Variants in TOLLIP observed in about 807,000 individuals in gnomAD.
The protein encoded by TOLLIP is toll interacting protein, also known as toll-interacting protein.
Under a neutral mutation model 33.5 loss-of-function variants are expected in TOLLIP, and 16 were observed. The ratio of observed to expected loss-of-function variants is 0.48; its 90% confidence interval spans 0.32 to 0.72. The LOEUF (loss-of-function observed/expected upper bound fraction) is 0.72, where lower values mean the gene tolerates loss of function less well. Ranked by LOEUF, TOLLIP falls within the 30% of genes least tolerant of loss-of-function variation. The pLI is 0.03. For synonymous variants in TOLLIP, 176 were observed against 163.7 expected (o/e 1.07, Z -0.57); for missense variants, 325 against 396.6 (o/e 0.82, Z 1.53).
intron 1 of TOLLIP, among the ~76,000 whole-genome samples, 161 bp from the exon 2 acceptor site, chr11:1,295,955 G>A (rs1208699654): frequency 6.6e-6 from 1 of 152,236 alleles, no homozygotes; most frequent in Admixed American, 6.5e-5. Flanking sequence ...AAACGGAGGG[G>A]TCAAGGGTGT....
intron 1 of TOLLIP, among the ~76,000 whole-genome samples, chr11:1,297,348 A>G (rs1042641476): frequency 6.6e-6 from 1 of 152,032 alleles, no homozygotes; most frequent in African/African-American, 2.4e-5. Context: ...CTAGCTCCTC[A>G]CCTGTGTCCC....
intron 1 of TOLLIP, among the ~76,000 whole-genome samples, chr11:1,304,459 G>A (rs778351050): frequency 1.3e-5 from 2 of 152,236 alleles, no homozygotes; most frequent in African/African-American, 2.4e-5. Flanking sequence ...CTAAACAAGC[G>A]CTGACTCGAG....
chr11:1,284,586 C>T (rs1282453127), intron 5 of TOLLIP, among the ~76,000 whole-genome samples: 2 of 152,114 alleles, frequency 1.3e-5, no homozygotes, highest in Admixed American at 1.3e-4. Flanking sequence ...CCTGACCTCA[C>T]GATCTGCCCG....
In TOLLIP at chr11:1,290,308, G is replaced by C; in HGVS notation, c.285C>G (p.Ala95=). 1 of 1,613,668 alleles carries C rather than the reference G, an allele frequency of 6.2e-7. No homozygotes were observed. Among genetic ancestry groups the C allele is most frequent in the South Asian group, 1.1e-5 (1 of 91,084 alleles). The part of the protein sequence containing the change: ...VYETPTAHNG[A]KNPRWNKVIH... ...TGACCTTATTCCAGCGGGGATTCTT[G>C]GCGCCATTGTGTGCCGTGGGCGTCT... The change falls in exon 3 of 6, where the codon GCC becomes GCG. Residue 95 remains alanine (A), a synonymous_variant. Transcript: ENST00000317204. This position sits in a 1 kb window ranked among gnomAD's most constrained non-coding sequence, Gnocchi z 4.9.
intron 5 of TOLLIP, among the ~76,000 whole-genome samples, chr11:1,285,169 C>A (rs141700822): frequency 1.3e-5 from 2 of 152,322 alleles, no homozygotes; most frequent in East Asian, 3.9e-4. Context: ...AACACCACCA[C>A]GCATCCCTAG....
intron 5 of TOLLIP, 93 bp downstream of exon 5, chr11:1,285,909 C>G (rs3817288): frequency 1.1e-6 from 1 of 918,366 alleles, no homozygotes; most frequent in Non-Finnish European, 1.7e-6. Flanking sequence ...GTCCCCACCC[C>G]GGCGCTCTAA....
In TOLLIP at chr11:1,275,377, T is replaced by C. The variant is rs1192333875; in HGVS notation, c.*1662A>G. 6.6e-6 allele frequency: 1 copy of C among 152,202 alleles called. No homozygotes were observed. The highest frequency in any genetic ancestry group is 1.5e-5 in the Non-Finnish European group (1 of 68,038). The allele number at this position is 152,202 out of a possible 1,614,324, so 9.4% of individuals were successfully genotyped here. On this transcript the variant is annotated 3_prime_UTR_variant, in exon 6 of 6. Transcript: ENST00000317204. ...CTTGTGGTCTGTCCTGGGTTAGAGT[T>C]GTTAATATCACGGAACATACCATCT...
rs544574683 is a variant in TOLLIP at position 1,303,239 on chromosome 11, G to A, written c.33+6227C>T. ...CACTGCAGGCAGCCTTGCATCCTAA[G>A]TGCTGGGACGGTCAAGCAAGGCAGA... On this transcript the variant is annotated intron_variant, in intron 1 of 5. Transcript: ENST00000317204. This position sits in a 1 kb window ranked among gnomAD's most constrained non-coding sequence, Gnocchi z 4.2. 1.3e-5 allele frequency among the ~76,000 whole-genome samples: 2 copies of A among 152,276 alleles called. No homozygotes were observed. The highest frequency in any genetic ancestry group is 6.5e-5 in the Admixed American group (1 of 15,298).
Position 1,304,730 on chromosome 11 carries a change from G to T in TOLLIP, c.33+4736C>A, listed in dbSNP as rs565404526. ...CCCCTGTACTTTCCCAGCACAGTGT[G>T]TATGTACTTGAGATAAAACAACTGA... On this transcript the variant is annotated intron_variant, in intron 1 of 5. Transcript: ENST00000317204. Among the ~76,000 whole-genome samples, 7 of 152,320 alleles carry T rather than the reference G, an allele frequency of 4.6e-5. No homozygotes were observed. In the East Asian group the frequency reaches 1.2e-3, roughly 25 times the overall value.
chr11:1,306,003 G>A (rs973560349), intron 1 of TOLLIP: 1 of 151,504 alleles, frequency 6.6e-6, no homozygotes, highest in African/African-American at 2.4e-5. Context: ...GGTCCACACA[G>A]TACCCCTCGC....
chr11:1,309,464 A>T lies in TOLLIP; in HGVS notation c.33+2T>A. 1 of 1,318,354 alleles carries T rather than the reference A, an allele frequency of 7.6e-7. No homozygotes were observed. The highest frequency in any genetic ancestry group is 9.7e-7 in the Non-Finnish European group (1 of 1,029,124). The allele number at this position is 1,318,354 out of a possible 1,614,324, so 81.7% of individuals were successfully genotyped here. ...CGCCCGACCCTCGCCCGGCTGCCTCACCGGCCCGCGCTGAGTGCTGACGGT... is the reference window on the plus strand; with the variant it reads ...CGCCCGACCCTCGCCCGGCTGCCTCTCCGGCCCGCGCTGAGTGCTGACGGT... On this transcript the variant is annotated splice_donor_variant, in intron 1 of 5. Coordinates refer to ENST00000317204, the MANE Select transcript of TOLLIP (RefSeq NM_019009.4). LOFTEE classifies it high-confidence loss of function.
chr11:1,283,746 A>G (rs1029981704), intron 5 of TOLLIP: 3 of 373,128 alleles, frequency 8.0e-6, no homozygotes, highest in Non-Finnish European at 1.1e-5. Flanking sequence ...ATGCTCTTTC[A>G]GCCAGATACA....
At chr11:1,297,188 C>T (rs921437903) in intron 1 of TOLLIP, among the ~76,000 whole-genome samples, 14 of 152,168 alleles carry the variant, frequency 9.2e-5, no homozygotes, top group South Asian at 4.1e-4. Context: ...GCCGCCAGAA[C>T]GCCTCTGCCA....
chr11:1,307,542 A>T (rs1864451582), intron 1 of TOLLIP, among the ~76,000 whole-genome samples: 1 of 152,226 alleles, frequency 6.6e-6, no homozygotes, highest in Non-Finnish European at 1.5e-5. Context: ...GATGAGGAAC[A>T]AGTTCCCAGG....
chr11:1,289,347 C>T (rs1247198409), intron 3 of TOLLIP, among the ~76,000 whole-genome samples: 1 of 152,230 alleles, frequency 6.6e-6, no homozygotes, highest in African/African-American at 2.4e-5. Context: ...CCCCACACTG[C>T]TCCCCGGCCC....
chr11:1,287,191 C>T (rs1564969157), intron 4 of TOLLIP, among the ~76,000 whole-genome samples: 1 of 152,242 alleles, frequency 6.6e-6, no homozygotes, highest in Non-Finnish European at 1.5e-5. Flanking sequence ...ACTGTCGTCT[C>T]TGAGTTCGAA....
chr11:1,301,989 T>C (rs1035018939), intron 1 of TOLLIP, among the ~76,000 whole-genome samples: 4 of 152,164 alleles, frequency 2.6e-5, no homozygotes, highest in Admixed American at 2.6e-4. Flanking sequence ...AACAGCACAG[T>C]TGGTCCAGAT....
intron 4 of TOLLIP, among the ~76,000 whole-genome samples, chr11:1,287,952 A>G (rs1245206134): frequency 6.6e-6 from 1 of 151,280 alleles, no homozygotes; most frequent in African/African-American, 2.4e-5. Context: ...TTCCCACAGC[A>G]CCATTTTTCA....
Position 1,277,373 on chromosome 11 carries a change from G to A in TOLLIP, c.611-120C>T, listed in dbSNP as rs934180319. On this transcript the variant is annotated intron_variant, in intron 5 of 5. Coordinates refer to ENST00000317204, the MANE Select transcript of TOLLIP (RefSeq NM_019009.4). This position sits in a 1 kb window ranked among gnomAD's most constrained non-coding sequence, Gnocchi z 4.2. The stretch of plus-strand genomic sequence containing the variant: ...GCCTCCCTGAGGAAGGGGCCACCTC[G>A]GGTCTCAGCAAACACCAGTCCCGCA... The A allele has an allele frequency of 1.9e-5, 15 of 801,178 alleles. No individual in the cohort carries two copies. The highest frequency in any genetic ancestry group is 3.8e-4 in the Middle Eastern group (1 of 2,662). 49.6% of individuals were successfully genotyped at this position (801,178 alleles called of 1,614,324 possible). A position where few individuals can be genotyped will look rare whatever the true frequency, so the allele number is the denominator to read the frequency against.
Sources: allele counts gnomAD v4.1 joint callset (sites outside exome capture counted in the v4.1 genomes callset), GRCh38; gene constraint gnomAD v4.1.1; non-coding constraint Gnocchi (gnomAD v3.1); transcripts MANE v1.5; gene names NCBI Gene and HGNC (gene_info 2026-07-23, HGNC 2026-07-21).